SH3RF3: variants seen among roughly 807,000 people sequenced by gnomAD.
SH3RF3 encodes E3 ubiquitin-protein ligase SH3RF3.
In SH3RF3, 29 loss-of-function variants were observed where a neutral mutation model predicts 66.3. That is an observed-to-expected ratio of 0.44 (90% confidence interval 0.33 to 0.60). The LOEUF is 0.60. SH3RF3 is among the 20% of genes least tolerant of loss of function. The pLI is 0.04. For synonymous variants in SH3RF3, 583 were observed against 532.0 expected (o/e 1.10, Z -1.32); for missense variants, 1,194 against 1,190.9 (o/e 1.00, Z -0.04).
intron 7 of SH3RF3, among the ~76,000 whole-genome samples, chr2:109,440,678 A>T (rs1418321370): frequency 2.0e-5 from 3 of 152,200 alleles, no homozygotes; most frequent in Non-Finnish European, 4.4e-5. Context: ...AAAAGGAGGC[A>T]GGTAACCAGG....
intron 1 of SH3RF3, among the ~76,000 whole-genome samples, chr2:109,229,880 A>G (rs1679463034): frequency 7.0e-6 from 1 of 143,068 alleles, no homozygotes; most frequent in South Asian, 2.1e-4. Context: ...GCTGGAGTGC[A>G]GTGGCGCAAT....
chr2:109,146,811 T>G (rs1677109097), intron 1 of SH3RF3, among the ~76,000 whole-genome samples: 1 of 139,220 alleles, frequency 7.2e-6, no homozygotes, highest in Non-Finnish European at 1.5e-5. Flanking sequence ...TCCTTCTGTT[T>G]TCCTCTGTCC....
At position 109,490,734 on chromosome 2, in the gene SH3RF3, G is replaced by T; in HGVS notation, c.2278G>T (p.Val760Leu). The T allele has an allele frequency of 1.3e-6, 2 of 1,536,220 alleles. No individual in the cohort carries two copies. Among genetic ancestry groups the T allele is most frequent in the East Asian group, 2.4e-5 (1 of 40,860 alleles). Reference protein sequence around the residue: ...VAVDALLQGAVGPEVSSLSIH... With the variant: ...VAVDALLQGALGPEVSSLSIH... ...CGTGGACGCCCTGCTCCAAGGTGCAGTGGGCCCCGAAGTGTCCTCACTGTC... is the reference window on the plus strand; with the variant it reads ...CGTGGACGCCCTGCTCCAAGGTGCATTGGGCCCCGAAGTGTCCTCACTGTC... Residue 760 changes from valine (V) to leucine (L), a missense_variant, in exon 9 of 10, where the codon GTG (valine) becomes TTG (leucine). Coordinates refer to ENST00000309415, the MANE Select transcript of SH3RF3 (RefSeq NM_001099289.3).
At chr2:109,251,760 AC>A in intron 1 of SH3RF3, 2 of 585,128 alleles carry the variant, frequency 3.4e-6, no homozygotes, top group East Asian at 2.9e-5. Flanking sequence ...TGTTAAATAA[AC>A]TTTTGTAATA....
In SH3RF3 at chr2:109,141,670, C is replaced by T. The variant is rs1574470946; in HGVS notation, c.573+11557C>T. On this transcript the variant is annotated intron_variant, in intron 1 of 9. Coordinates refer to ENST00000309415, the MANE Select transcript of SH3RF3 (RefSeq NM_001099289.3). ...ATGACGCCTGGGGATAACAGTGTGT[C>T]TTGACAGAAGAGTTAGGACCCAAAG... is the stretch of plus-strand genomic sequence containing the variant. 1.9e-5 allele frequency: 3 copies of T among 154,922 alleles called. No individual in the cohort carries two copies. In the South Asian group the frequency reaches 6.1e-4, roughly 31 times the overall value. 9.6% of individuals were successfully genotyped at this position (154,922 alleles called of 1,614,324 possible).
At chr2:109,326,532 G>A (rs922440073) in intron 1 of SH3RF3, among the ~76,000 whole-genome samples, 2 of 152,122 alleles carry the variant, frequency 1.3e-5, no homozygotes, top group African/African-American at 4.8e-5. Flanking sequence ...TTAAATTTTT[G>A]CCAATCTGGT....
intron 1 of SH3RF3, among the ~76,000 whole-genome samples, chr2:109,289,444 A>T (rs12621934): frequency 0.011 from 1,617 of 152,246 alleles, 29 homozygotes; most frequent in African/African-American, 0.036. Context: ...TCTTGATGCT[A>T]CATGTCACGG....
At chr2:109,485,020 A>G (rs1678932466) in intron 8 of SH3RF3, among the ~76,000 whole-genome samples, 1 of 152,246 alleles carries the variant, frequency 6.6e-6, no homozygotes, top group Non-Finnish European at 1.5e-5. Flanking sequence ...TGCTGAAAAT[A>G]GTACGTAACC....
intron 8 of SH3RF3, among the ~76,000 whole-genome samples, chr2:109,467,839 C>A (rs1316360217): frequency 1.3e-5 from 2 of 152,172 alleles, no homozygotes; most frequent in Admixed American, 6.5e-5. Context: ...AGGAACAGAG[C>A]CAGGCTGAGC....
At chr2:109,311,624 C>T (rs901662487) in intron 1 of SH3RF3, among the ~76,000 whole-genome samples, 5 of 152,198 alleles carry the variant, frequency 3.3e-5, no homozygotes, top group African/African-American at 1.2e-4. Flanking sequence ...AGCAATGGCC[C>T]TTGATGGCAA....
chr2:109,501,836 T>C lies in SH3RF3; in HGVS notation c.*165T>C, dbSNP rs566773822. 9.5e-4 allele frequency: 557 copies of C among 589,018 alleles called. 1 individual carries two copies. The highest frequency in any genetic ancestry group is 1.5e-3 in the Non-Finnish European group (510 of 330,570). The allele number at this position is 589,018 out of a possible 1,614,324, so 36.5% of individuals were successfully genotyped here. A position where few individuals can be genotyped will look rare whatever the true frequency, so the allele number is the denominator to read the frequency against. On this transcript the variant is annotated 3_prime_UTR_variant, in exon 10 of 10. Coordinates refer to ENST00000309415, the MANE Select transcript of SH3RF3 (RefSeq NM_001099289.3). The stretch of plus-strand genomic sequence containing the variant: ...TGGGGGCCAGGGACTGTGGAGGTCG[T>C]GCCTTCTCCCAAAACCCCCAAACGG...
At chr2:109,336,727 A>G (rs577857419) in intron 1 of SH3RF3, among the ~76,000 whole-genome samples, 87 of 152,380 alleles carry the variant, frequency 5.7e-4, no homozygotes, top group Non-Finnish European at 1.0e-3. Context: ...GCAACATCCA[A>G]TTTTGTGGAG....
intron 1 of SH3RF3, among the ~76,000 whole-genome samples, chr2:109,168,889 G>A (rs1208825956): frequency 2.6e-5 from 4 of 152,216 alleles, no homozygotes; most frequent in Non-Finnish European, 4.4e-5. Flanking sequence ...ATGCTGGCCT[G>A]TTCTCTGCTG....
intron 1 of SH3RF3, among the ~76,000 whole-genome samples, chr2:109,303,176 G>A (rs1373578049): frequency 1.3e-5 from 2 of 152,116 alleles, no homozygotes; most frequent in Non-Finnish European, 2.9e-5. Context: ...GCGCCCGGCC[G>A]ATCTCCTTAG....
At chr2:109,155,203 T>A (rs777627271) in intron 1 of SH3RF3, among the ~76,000 whole-genome samples, 1 of 152,242 alleles carries the variant, frequency 6.6e-6, no homozygotes, top group Non-Finnish European at 1.5e-5. Context: ...TGTTCAGTGG[T>A]GTTCTCATCC....
At chr2:109,471,226 A>G (rs1378952102) in intron 8 of SH3RF3, among the ~76,000 whole-genome samples, 1 of 150,950 alleles carries the variant, frequency 6.6e-6, no homozygotes, top group Non-Finnish European at 1.5e-5. Flanking sequence ...AAAAAAAAAA[A>G]AAAAAGAAAT....
chr2:109,163,666 T>TG (rs1323502801), intron 1 of SH3RF3, among the ~76,000 whole-genome samples: 1 of 152,136 alleles, frequency 6.6e-6, no homozygotes, highest in Non-Finnish European at 1.5e-5. Context: ...CCCAAAGTGC[T>TG]GGGATTACAG....
intron 1 of SH3RF3, among the ~76,000 whole-genome samples, chr2:109,183,478 G>T (rs1678115520): frequency 6.6e-6 from 1 of 152,176 alleles, no homozygotes; most frequent in Non-Finnish European, 1.5e-5. Context: ...GGAAATTGAA[G>T]CCTGGAGAGG....
rs1199292055 is a variant in SH3RF3 at position 109,130,089 on chromosome 2, C to T, written c.549C>T (p.Thr183=). 1.9e-5 allele frequency: 26 copies of T among 1,358,474 alleles called. No individual in the cohort carries two copies. Among genetic ancestry groups the T allele is most frequent in the Middle Eastern group, 2.7e-4 (1 of 3,664 alleles). 84.2% of individuals were successfully genotyped at this position (1,358,474 alleles called of 1,614,324 possible). A position where few individuals can be genotyped will look rare whatever the true frequency, so the allele number is the denominator to read the frequency against. ...STAGSLRELA[T]SRTAPAAKNP... ...CCGGCAGTCTGCGGGAGCTGGCGAC[C>T]AGCAGGACCGCGCCGGCGGCAAAGG... Residue 183 remains threonine, a synonymous_variant, in exon 1 of 10, where the codon ACC becomes ACT. Coordinates refer to ENST00000309415, the MANE Select transcript of SH3RF3 (RefSeq NM_001099289.3).
Sources: gnomAD v4.1 joint callset for allele counts (sites outside exome capture counted in the v4.1 genomes callset) on GRCh38, gnomAD v4.1.1 for gene constraint, MANE v1.5 for transcripts, NCBI Gene and HGNC (gene_info 2026-07-23, HGNC 2026-07-21) for gene names.